HHAT: variants seen among roughly 807,000 people sequenced by gnomAD.
The protein encoded by HHAT is protein-cysteine N-palmitoyltransferase HHAT.
In HHAT, 47 loss-of-function variants were observed where a neutral mutation model predicts 70.8. That is an observed-to-expected ratio of 0.66 (90% CI 0.53 to 0.85). The LOEUF is 0.85. Ranked by LOEUF, HHAT falls within the 40% of genes least tolerant of loss-of-function variation. The pLI, the probability that HHAT is intolerant of heterozygous loss-of-function variation, is 0.00. For synonymous variants in HHAT, 228 were observed against 247.6 expected (o/e 0.92, Z 0.74); for missense variants, 609 against 604.8 (o/e 1.01, Z -0.07).
At chr1:210,395,508 C>G (rs2091734845) in intron 4 of HHAT, among the ~76,000 whole-genome samples, 1 of 152,198 alleles carries the variant, frequency 6.6e-6, no homozygotes, top group Non-Finnish European at 1.5e-5. Context: ...TGGATAGAAG[C>G]CTCTATAACA....
chr1:210,561,934 A>G (rs1046971824), intron 9 of HHAT, among the ~76,000 whole-genome samples: 1 of 152,146 alleles, frequency 6.6e-6, no homozygotes, highest in African/African-American at 2.4e-5. Context: ...GACACCTGAT[A>G]GTCACTTACT....
chr1:210,434,797 G>A (rs1231432260), intron 7 of HHAT, among the ~76,000 whole-genome samples: 1 of 151,694 alleles, frequency 6.6e-6, no homozygotes, highest in Non-Finnish European at 1.5e-5. Context: ...GCATTACACA[G>A]CAAATAAGAA....
At chr1:210,503,229 G>C (rs978860777) in intron 8 of HHAT, among the ~76,000 whole-genome samples, 4 of 152,066 alleles carry the variant, frequency 2.6e-5, no homozygotes, top group Non-Finnish European at 5.9e-5. Context: ...CAAAGTGCTG[G>C]GATTACAGGC....
rs5780580 is a variant in HHAT at position 210,487,321 on chromosome 1, G to GT, written c.1007+22675dup. Among the ~76,000 whole-genome samples the GT allele has an allele frequency of 4.3e-3, 656 of 151,818 alleles. 7 individuals carry two copies. The highest frequency in any genetic ancestry group is 0.014 in the African/African-American group (591 of 41,376). ...ACTCAAAAATAATGAAAAGTAAGAGGTTTTTTTTTAGCTATGGAAGAGCAT... is the reference window on the plus strand; with the variant it reads ...ACTCAAAAATAATGAAAAGTAAGAGGTTTTTTTTTTAGCTATGGAAGAGCAT... On this transcript the variant is annotated intron_variant, in intron 8 of 11. Transcript: ENST00000261458.
intron 8 of HHAT, among the ~76,000 whole-genome samples, chr1:210,489,194 C>A (rs1013220151): frequency 8.5e-5 from 13 of 152,138 alleles, no homozygotes; most frequent in African/African-American, 3.1e-4. Flanking sequence ...CAAGTTATTT[C>A]TTTAAAATGT....
intron 11 of HHAT, among the ~76,000 whole-genome samples, chr1:210,633,798 A>G (rs1671334312): frequency 6.6e-6 from 1 of 152,136 alleles, no homozygotes; most frequent in South Asian, 2.1e-4. Context: ...CCACCAACCC[A>G]GGGCCGAAGC....
intron 9 of HHAT, among the ~76,000 whole-genome samples, chr1:210,533,199 G>T (rs2095332850): frequency 9.9e-6 from 1 of 100,722 alleles, no homozygotes; most frequent in South Asian, 3.2e-4. Flanking sequence ...ATTTGGATAT[G>T]GCCAGGAGTG....
chr1:210,333,429 AAAT>A (rs768865362), intron 1 of HHAT, among the ~76,000 whole-genome samples: 8 of 149,322 alleles, frequency 5.4e-5, no homozygotes, highest in African/African-American at 1.2e-4. Flanking sequence ...GTCTCTTAAA[AAAT>A]AATAATAAAA....
At chr1:210,347,063 C>A (rs1019906925) in intron 1 of HHAT, among the ~76,000 whole-genome samples, 1 of 152,156 alleles carries the variant, frequency 6.6e-6, no homozygotes, top group Non-Finnish European at 1.5e-5. Flanking sequence ...TAGCACTTTT[C>A]AAGAATATAA....
intron 9 of HHAT, among the ~76,000 whole-genome samples, chr1:210,573,019 TTCAGGAGCTCTGTGTTC>T (rs1656724478): frequency 6.6e-6 from 1 of 152,184 alleles, no homozygotes; most frequent in South Asian, 2.1e-4. Flanking sequence ...AAGCTAATAT[TTCAGGAGCTCTGTGTTC>T]TGAAATCCAA....
At chr1:210,506,548 TCTC>T (rs1446847797) in intron 8 of HHAT, among the ~76,000 whole-genome samples, 2 of 152,196 alleles carry the variant, frequency 1.3e-5, no homozygotes, top group Non-Finnish European at 2.9e-5. Context: ...GTTCCTTATG[TCTC>T]CTCATGAGGA....
chr1:210,421,394 T>C (rs556749618), intron 7 of HHAT, among the ~76,000 whole-genome samples: 1 of 152,322 alleles, frequency 6.6e-6, no homozygotes, highest in South Asian at 2.1e-4. Flanking sequence ...TGCCTTTCCT[T>C]GGCTACTAAT....
chr1:210,555,078 AGGGACTTGAAG>A, intron 9 of HHAT, among the ~76,000 whole-genome samples: 1 of 152,222 alleles, frequency 6.6e-6, no homozygotes, highest in East Asian at 1.9e-4. Flanking sequence ...TTTCACACCC[AGGGACTTGAAG>A]GGGGATCCCC....
At chr1:210,607,494 G>A (rs1665726494) in intron 10 of HHAT, among the ~76,000 whole-genome samples, 1 of 152,108 alleles carries the variant, frequency 6.6e-6, no homozygotes, top group African/African-American at 2.4e-5. Context: ...TGTTGTTTTT[G>A]TGGTTGAACA....
chr1:210,398,568 A>G (rs907357730), intron 4 of HHAT, among the ~76,000 whole-genome samples: 2 of 152,174 alleles, frequency 1.3e-5, no homozygotes, highest in Non-Finnish European at 2.9e-5. Context: ...AGCATTTTCC[A>G]AGTTGAAGCA....
At chr1:210,617,011 T>C (rs77454297) in intron 10 of HHAT, among the ~76,000 whole-genome samples, 2,609 of 152,300 alleles carry the variant, frequency 0.017, 74 homozygotes, top group African/African-American at 0.06. Flanking sequence ...ATGCCAATTG[T>C]GAATTAGGTA....
chr1:210,401,517 A>G (rs1245617370), intron 5 of HHAT, among the ~76,000 whole-genome samples: 1 of 152,226 alleles, frequency 6.6e-6, no homozygotes, highest in Non-Finnish European at 1.5e-5. Context: ...CCAAGCTTTC[A>G]TTTCTGTAAA....
chr1:210,344,722 T>A (rs1039614106), intron 1 of HHAT, among the ~76,000 whole-genome samples: 1 of 152,158 alleles, frequency 6.6e-6, no homozygotes, highest in Non-Finnish European at 1.5e-5. Context: ...GTCTTTAGGC[T>A]CCTTCAGCCT....
chr1:210,648,829 G>T (rs551161852), intron 11 of HHAT, among the ~76,000 whole-genome samples: 1 of 152,320 alleles, frequency 6.6e-6, no homozygotes, highest in South Asian at 2.1e-4. Flanking sequence ...GTCTGAATGT[G>T]CATTATGCAA....
Sources: allele counts gnomAD v4.1 joint callset (sites outside exome capture counted in the v4.1 genomes callset), GRCh38; gene constraint gnomAD v4.1.1; transcripts MANE v1.5; gene names NCBI Gene and HGNC (gene_info 2026-07-23, HGNC 2026-07-21).